The following CPQ variants were observed in gnomAD, a reference collection of about 807,000 sequenced individuals.
CPQ encodes the protein Ser-Met dipeptidase.
Under a neutral mutation model 45.7 loss-of-function variants are expected in CPQ, and 37 were observed. That is an observed-to-expected ratio of 0.81 (90% CI 0.62 to 1.07). The LOEUF is 1.07. Among genes scored for constraint, CPQ ranks in the 50% least tolerant of loss-of-function variants. The pLI is 0.00. For missense variants in CPQ, 537 were observed against 572.9 expected (o/e 0.94, Z 0.64); for synonymous variants, 186 against 205.8 (o/e 0.90, Z 0.82).
At chr8:96,847,283 G>T (rs1025745309) in intron 3 of CPQ, among the ~76,000 whole-genome samples, 1 of 152,116 alleles carries the variant, frequency 6.6e-6, no homozygotes, top group African/African-American at 2.4e-5. Context: ...GATGACCCCT[G>T]CCTGAATCAA....
At chr8:97,049,023 G>A (rs1013693658) in intron 6 of CPQ, among the ~76,000 whole-genome samples, 5 of 152,148 alleles carry the variant, frequency 3.3e-5, no homozygotes, top group African/African-American at 1.2e-4. Context: ...TGTAGTTAAT[G>A]CCTAATTATA....
chr8:96,953,337 A>G (rs924725483), intron 4 of CPQ, among the ~76,000 whole-genome samples: 7 of 152,016 alleles, frequency 4.6e-5, no homozygotes, highest in Non-Finnish European at 8.8e-5. Flanking sequence ...TTGGCAGCTT[A>G]TCCTCTGGGG....
intron 1 of CPQ, among the ~76,000 whole-genome samples, chr8:96,681,843 G>A (rs1809156805): frequency 6.6e-6 from 1 of 152,188 alleles, no homozygotes; most frequent in African/African-American, 2.4e-5. Flanking sequence ...ACCTGGATGT[G>A]AGACATGGAG....
chr8:97,120,750 T>C (rs970360144), intron 7 of CPQ, among the ~76,000 whole-genome samples: 2 of 152,212 alleles, frequency 1.3e-5, no homozygotes. Flanking sequence ...GGACAAAAGA[T>C]TCTTTAAAAT....
At chr8:96,932,430 C>A (rs1392845621) in intron 4 of CPQ, among the ~76,000 whole-genome samples, 1 of 152,108 alleles carries the variant, frequency 6.6e-6, no homozygotes, top group Non-Finnish European at 1.5e-5. Context: ...TTTTATTCAA[C>A]ATTATTATTA....
chr8:96,680,917 A>G (rs1304011971), intron 1 of CPQ, among the ~76,000 whole-genome samples: 2 of 152,144 alleles, frequency 1.3e-5, no homozygotes, highest in African/African-American at 4.8e-5. Flanking sequence ...GACTGGTGGC[A>G]TTTTGCCCCT....
At position 96,784,916 on chromosome 8, in the gene CPQ, G is replaced by T. The variant is rs183172032; in HGVS notation, c.19G>T (p.Ala7Ser). The change falls in exon 2 of 8, where the codon GCA becomes TCA. Residue 7 changes from alanine to serine, a missense_variant. Transcript: ENST00000220763. ...AAAAAAAATGAAATTCCTTATCTTC[G>T]CATTTTTCGGTGGTGTTCACCTTTT... is the stretch of plus-strand genomic sequence containing the variant. MKFLIFAFFGGVHLLSL... is the reference protein window; with the variant it reads MKFLIFSFFGGVHLLSL... 29 of 1,597,982 alleles carry T rather than the reference G, an allele frequency of 1.8e-5. No individual in the cohort carries two copies. The highest frequency in any genetic ancestry group is 1.8e-4 in the East Asian group (8 of 44,672).
intron 4 of CPQ, among the ~76,000 whole-genome samples, chr8:96,940,961 G>C (rs150555326): frequency 8.7e-4 from 133 of 152,208 alleles, no homozygotes; most frequent in Admixed American, 1.6e-3. Context: ...TTGGGAACTG[G>C]TGTCAGCTCC....
At chr8:96,929,709 C>G in intron 4 of CPQ, among the ~76,000 whole-genome samples, 1 of 152,116 alleles carries the variant, frequency 6.6e-6, no homozygotes, top group East Asian at 1.9e-4. Flanking sequence ...ACTGTAGTCT[C>G]TTATTTTCAG....
intron 1 of CPQ, among the ~76,000 whole-genome samples, chr8:96,768,664 G>A (rs1345492120): frequency 6.6e-6 from 1 of 152,184 alleles, no homozygotes; most frequent in East Asian, 1.9e-4. Flanking sequence ...GCTGTTTAGT[G>A]AAGCAGTATT....
intron 1 of CPQ, among the ~76,000 whole-genome samples, chr8:96,651,328 A>G (rs1815573626): frequency 6.6e-6 from 1 of 152,246 alleles, no homozygotes; most frequent in Non-Finnish European, 1.5e-5. Context: ...TAAGAAAACT[A>G]GAAACTCTTA....
intron 1 of CPQ, among the ~76,000 whole-genome samples, chr8:96,703,382 T>G (rs532337108): frequency 5.3e-5 from 8 of 152,210 alleles, no homozygotes; most frequent in Admixed American, 3.3e-4. Context: ...CAATATCTTA[T>G]GTGGTGCCTG....
intron 4 of CPQ, among the ~76,000 whole-genome samples, chr8:96,961,977 G>C (rs1478104646): frequency 6.6e-6 from 1 of 152,104 alleles, no homozygotes; most frequent in Non-Finnish European, 1.5e-5. Context: ...ACCAGTAACA[G>C]AGGGGCTTGT....
At chr8:97,048,463 CTGTTT>C (rs1810298846) in intron 6 of CPQ, among the ~76,000 whole-genome samples, 2 of 152,178 alleles carry the variant, frequency 1.3e-5, no homozygotes, top group African/African-American at 4.8e-5. Flanking sequence ...TAATTTAACA[CTGTTT>C]TGTTTTAGTT....
intron 3 of CPQ, among the ~76,000 whole-genome samples, chr8:96,867,912 C>G (rs28566948): frequency 0.38 from 58,299 of 151,844 alleles, 11,858 homozygotes; most frequent in Non-Finnish European, 0.46. Context: ...TCTTGGCTCA[C>G]TATGGTAATC....
intron 2 of CPQ, among the ~76,000 whole-genome samples, chr8:96,806,690 T>G (rs535018375): frequency 6.6e-6 from 1 of 152,352 alleles, no homozygotes; most frequent in South Asian, 2.1e-4. Context: ...ATGCAAATGA[T>G]ACTGTATTTA....
chr8:96,742,076 G>T (rs1430141940), intron 1 of CPQ, among the ~76,000 whole-genome samples: 2 of 143,598 alleles, frequency 1.4e-5, no homozygotes, highest in Non-Finnish European at 3.0e-5. Context: ...ACAGTGGGGT[G>T]TTAAAGTCTC....
At chr8:97,043,144 G>A (rs1187527554) in intron 6 of CPQ, among the ~76,000 whole-genome samples, 1 of 152,082 alleles carries the variant, frequency 6.6e-6, no homozygotes, top group Non-Finnish European at 1.5e-5. Context: ...AGTCACTCAG[G>A]GCTTGCTTTA....
chr8:96,910,140 C>T (rs1812637852), intron 4 of CPQ, among the ~76,000 whole-genome samples: 1 of 152,142 alleles, frequency 6.6e-6, no homozygotes, highest in Non-Finnish European at 1.5e-5. Flanking sequence ...CAAGTAAATC[C>T]TAGCCATTGT....
Sources: allele counts gnomAD v4.1 joint callset (sites outside exome capture counted in the v4.1 genomes callset), GRCh38; gene constraint gnomAD v4.1.1; transcripts MANE v1.5; gene names NCBI Gene and HGNC (gene_info 2026-07-23, HGNC 2026-07-21).